Variants in TRHDE observed in about 807,000 individuals in gnomAD.
TRHDE encodes thyrotropin-releasing hormone-degrading ectoenzyme.
A neutral mutation model predicts 125.7 loss-of-function variants in TRHDE; 72 were observed. The observed-to-expected ratio is 0.57, with a 90% confidence interval of 0.47 to 0.70. The LOEUF (loss-of-function observed/expected upper bound fraction) is 0.70, where lower values mean the gene tolerates loss of function less well. Ranked by LOEUF, TRHDE falls within the 30% of genes least tolerant of loss-of-function variation. The pLI is 0.00. For missense variants in TRHDE, 1,110 were observed against 1,327.1 expected (o/e 0.84, Z 2.54); for synonymous variants, 509 against 509.1 (o/e 1.00, Z 0.00).
At chr12:72,619,093 C>G in intron 13 of TRHDE, 55 bp downstream of exon 13, 1 of 1,329,878 alleles carries the variant, frequency 7.5e-7, no homozygotes, top group Non-Finnish European at 1.0e-6. Context: ...ATTTTATTCT[C>G]TTTCTACTAT....
intron 3 of TRHDE, among the ~76,000 whole-genome samples, chr12:72,430,090 G>A (rs1874378775): frequency 6.6e-6 from 1 of 151,002 alleles, no homozygotes; most frequent in South Asian, 2.1e-4. Flanking sequence ...CTAACTCAAG[G>A]TCACTGTATT....
In TRHDE at chr12:72,563,059, C is replaced by A. The variant is rs368525873; in HGVS notation, c.2042+19C>A. ...ATAACAGGTATGACATTCTTTTTTA[C>A]GTGAAAAATATTGTTTTTATTCTTA... On this transcript the variant is annotated intron_variant, in intron 9 of 18. Coordinates refer to ENST00000261180, the MANE Select transcript of TRHDE (RefSeq NM_013381.3). The A allele has an allele frequency of 3.8e-5, 58 of 1,511,524 alleles. No individual in the cohort carries two copies. The highest frequency in any genetic ancestry group is 4.7e-5 in the Non-Finnish European group (52 of 1,116,972). The allele number at this position is 1,511,524 out of a possible 1,614,324, so 93.6% of individuals were successfully genotyped here. A position where few individuals can be genotyped will look rare whatever the true frequency, so the allele number is the denominator to read the frequency against.
chr12:72,521,436 G>A (rs1879190225), intron 6 of TRHDE, among the ~76,000 whole-genome samples: 1 of 152,198 alleles, frequency 6.6e-6, no homozygotes, highest in Admixed American at 6.5e-5. Context: ...GATGAGCATG[G>A]TGTAGAGGGG....
intron 12 of TRHDE, among the ~76,000 whole-genome samples, chr12:72,589,024 A>T (rs1313187942): frequency 1.3e-5 from 2 of 152,146 alleles, no homozygotes; most frequent in Non-Finnish European, 2.9e-5. Context: ...TTATTCAATT[A>T]CCTCGCACTA....
chr12:72,356,247 T>C lies in TRHDE; in HGVS notation c.1189-21748T>C, dbSNP rs1242103591. On this transcript the variant is annotated intron_variant, in intron 2 of 18. Coordinates refer to ENST00000261180, the MANE Select transcript of TRHDE (RefSeq NM_013381.3). ...ATCTTGTCCTTTGCAGGAACATGGA[T>C]GGAGCTGGAGGCCATCATCTTTAGC... Among the ~76,000 whole-genome samples, 27 of 151,728 alleles carry C rather than the reference T, an allele frequency of 1.8e-4. No individual in the cohort carries two copies. In the Admixed American group the frequency reaches 1.8e-3, roughly 10 times the overall value.
chr12:72,312,619 C>G (rs1868599577), intron 2 of TRHDE, among the ~76,000 whole-genome samples: 1 of 152,130 alleles, frequency 6.6e-6, no homozygotes, highest in African/African-American at 2.4e-5. Context: ...TTACTTCACT[C>G]AGAGAATATG....
chr12:72,581,468 A>G (rs891479846), intron 12 of TRHDE, among the ~76,000 whole-genome samples: 4 of 152,186 alleles, frequency 2.6e-5, no homozygotes, highest in African/African-American at 9.6e-5. Context: ...TCATCATCAT[A>G]AATATCATCA....
chr12:72,434,126 T>C (rs1468739163), intron 3 of TRHDE, among the ~76,000 whole-genome samples: 1 of 152,126 alleles, frequency 6.6e-6, no homozygotes, highest in Non-Finnish European at 1.5e-5. Flanking sequence ...GGCTCACGCC[T>C]ATAGTCTCAG....
At chr12:72,243,084 G>C (rs986618332) in intron 2 of TRHDE, among the ~76,000 whole-genome samples, 1 of 152,158 alleles carries the variant, frequency 6.6e-6, no homozygotes, top group African/African-American at 2.4e-5. Context: ...CTGCCATTGT[G>C]TTACCAGCCT....
chr12:72,601,534 G>A (rs1213184510), intron 12 of TRHDE, among the ~76,000 whole-genome samples: 1 of 152,122 alleles, frequency 6.6e-6, no homozygotes, highest in Non-Finnish European at 1.5e-5. Context: ...TGGGTAAAAT[G>A]TGATCAAACA....
intron 5 of TRHDE, among the ~76,000 whole-genome samples, chr12:72,488,714 G>T (rs545087680): frequency 1.3e-5 from 2 of 151,894 alleles, no homozygotes; most frequent in South Asian, 2.1e-4. Flanking sequence ...TCTTCTCTAG[G>T]ACACATGGAA....
chr12:72,363,059 G>T (rs925646911), intron 2 of TRHDE, among the ~76,000 whole-genome samples: 12 of 152,020 alleles, frequency 7.9e-5, no homozygotes, highest in Non-Finnish European at 1.2e-4. Flanking sequence ...CTCTTTTTTG[G>T]TTCCATATGA....
chr12:72,224,776 A>C (rs1231631180), intron 2 of TRHDE, among the ~76,000 whole-genome samples: 2 of 152,276 alleles, frequency 1.3e-5, no homozygotes, highest in East Asian at 3.9e-4. Flanking sequence ...GTATTTTATA[A>C]ACCACCTTAA....
At chr12:72,142,238 G>T (rs988915027) in intron 2 of TRHDE, among the ~76,000 whole-genome samples, 1 of 152,124 alleles carries the variant, frequency 6.6e-6, no homozygotes, top group Non-Finnish European at 1.5e-5. Context: ...CAGGATCAAG[G>T]TTAAAGGCTC....
At position 72,378,127 on chromosome 12, in the gene TRHDE, A is replaced by T. The variant is rs1239860850; in HGVS notation, c.1315+6A>T. 6.4e-7 allele frequency: 1 copy of T among 1,566,224 alleles called. No individual in the cohort carries two copies. Among genetic ancestry groups the T allele is most frequent in the South Asian group, 1.2e-5 (1 of 81,362 alleles). On this transcript the variant is annotated splice_donor_region_variant and intron_variant, in intron 3 of 18. Transcript: ENST00000261180. ...CTATTCCTTGCCAAAACTAGGTAAG[A>T]ATTTTCTTGGTTATTTTATTGGAAG...
At chr12:72,228,395 A>G (rs1426559658) in intron 2 of TRHDE, among the ~76,000 whole-genome samples, 6 of 152,146 alleles carry the variant, frequency 3.9e-5, no homozygotes, top group Non-Finnish European at 8.8e-5. Flanking sequence ...TGTTTTAGCC[A>G]TGGCGTGAAT....
At position 72,639,792 on chromosome 12, in the gene TRHDE, G is replaced by T. The variant is rs1177176077; in HGVS notation, c.2676-12530G>T. 9.2e-5 allele frequency among the ~76,000 whole-genome samples: 14 copies of T among 152,260 alleles called. No individual in the cohort carries two copies. The East Asian group carries it at 2.1e-3, about 23-fold the overall frequency. On this transcript the variant is annotated intron_variant, in intron 15 of 18. Coordinates refer to ENST00000261180, the MANE Select transcript of TRHDE (RefSeq NM_013381.3). ...GGTGTCAGTCTGCCCCTGCTAGGGG[G>T]TGCCTCCCATTTAGGCTGCTCGGGG...
intron 2 of TRHDE, among the ~76,000 whole-genome samples, chr12:72,189,391 T>C (rs1877293495): frequency 1.3e-5 from 2 of 152,188 alleles, no homozygotes; most frequent in Admixed American, 6.5e-5. Flanking sequence ...CACTGTCATA[T>C]CTTGAGTAAT....
In TRHDE at chr12:72,273,726, A is replaced by G; in HGVS notation, c.914+169A>G. On this transcript the variant is annotated intron_variant, in intron 1 of 18. Coordinates refer to ENST00000261180, the MANE Select transcript of TRHDE (RefSeq NM_013381.3). The surrounding 1 kb of genome is among the most constrained non-coding windows in gnomAD (Gnocchi z 5.3). ...CAGTCAGAACTCCGGGGTCTCCCAG[A>G]TGCCTCGGGGTCTCGCTGCCGCCAA... The G allele has an allele frequency of 1.6e-6, 1 of 613,100 alleles. No homozygotes were observed. The highest frequency in any genetic ancestry group is 2.8e-6 in the Non-Finnish European group (1 of 358,712). The allele number at this position is 613,100 out of a possible 1,614,324, so 38.0% of individuals were successfully genotyped here.
Sources: allele counts gnomAD v4.1 joint callset (sites outside exome capture counted in the v4.1 genomes callset), GRCh38; gene constraint gnomAD v4.1.1; non-coding constraint Gnocchi (gnomAD v3.1); transcripts MANE v1.5; gene names NCBI Gene and HGNC (gene_info 2026-07-23, HGNC 2026-07-21).